LMAN2L: variants seen among roughly 807,000 people sequenced by gnomAD.
LMAN2L encodes the protein VIP36-like protein.
In LMAN2L, 30 loss-of-function variants were observed where a neutral mutation model predicts 44.3. The observed-to-expected ratio is 0.68, with a 90% CI of 0.51 to 0.92. The LOEUF (loss-of-function observed/expected upper bound fraction) is 0.92, where lower values mean the gene tolerates loss of function less well. LMAN2L is among the 40% of genes least tolerant of loss of function. The probability of loss-of-function intolerance (pLI) is 0.00; values close to 1 mark genes in which losing one functional copy is unlikely to be tolerated. For synonymous variants in LMAN2L, 183 were observed against 171.1 expected (o/e 1.07, Z -0.54); for missense variants, 429 against 446.1 (o/e 0.96, Z 0.35).
chr2:96,707,644 G>A, intron 7 of LMAN2L, 70 bp downstream of exon 7: 1 of 1,570,196 alleles, frequency 6.4e-7, no homozygotes, highest in East Asian at 2.2e-5. Flanking sequence ...ACCGCCCTGT[G>A]AGCTATGGGT....
At chr2:96,712,206 G>A (rs1429373364) in intron 4 of LMAN2L, among the ~76,000 whole-genome samples, 181 bp from the exon 5 acceptor site, 1 of 152,182 alleles carries the variant, frequency 6.6e-6, no homozygotes, top group Non-Finnish European at 1.5e-5. Flanking sequence ...AGGGAAATGG[G>A]CCCAGGAAGC....
chr2:96,733,848 A>T lies in LMAN2L; in HGVS notation c.425-247T>A, dbSNP rs139910561. 6.5e-4 allele frequency among the ~76,000 whole-genome samples: 99 copies of T among 152,220 alleles called. No individual in the cohort carries two copies. In the East Asian group the frequency reaches 9.7e-3, roughly 15 times the overall value. On this transcript the variant is annotated intron_variant, in intron 3 of 7. Coordinates refer to ENST00000264963, the MANE Select transcript of LMAN2L (RefSeq NM_030805.4). ...GAAGGCCACTGCAACCTTATTTAGCACTCAGGCAGCTTCCTGATCCAAACT... is the reference window on the plus strand; with the variant it reads ...GAAGGCCACTGCAACCTTATTTAGCTCTCAGGCAGCTTCCTGATCCAAACT...
chr2:96,707,903 T>C lies in LMAN2L; in HGVS notation c.785-70A>G. On this transcript the variant is annotated intron_variant, in intron 6 of 7. Transcript: ENST00000264963. ...AGGTATGTTTCTTGAAGTCAGTATC[T>C]TAGTTCAAGCCTCTGATCCACAGCT... The C allele has an allele frequency of 2.0e-6, 3 of 1,527,938 alleles. 1 individual carries two copies. The South Asian group carries it at 3.5e-5, about 18-fold the overall frequency. The allele number at this position is 1,527,938 out of a possible 1,614,324, so 94.6% of individuals were successfully genotyped here.
At position 96,718,121 on chromosome 2, in the gene LMAN2L, A is replaced by G. The variant is rs571019556; in HGVS notation, c.508-6096T>C. ...CAGGCACCTGCCACCAAGCCCGGCT[A>G]ATTTTTGTATTTTTAGTACAGACAG... On this transcript the variant is annotated intron_variant, in intron 4 of 7. Transcript: ENST00000264963. 9.2e-5 allele frequency among the ~76,000 whole-genome samples: 14 copies of G among 152,086 alleles called. No individual in the cohort carries two copies. In the East Asian group the frequency reaches 1.9e-3, roughly 21 times the overall value.
At chr2:96,734,806 G>A (rs1464571173) in intron 2 of LMAN2L, 5 of 405,360 alleles carry the variant, frequency 1.2e-5, no homozygotes, top group African/African-American at 2.0e-5. Context: ...GAAAAGACAA[G>A]AGTGTACCAA....
At position 96,712,041 on chromosome 2, in the gene LMAN2L, G is replaced by A; in HGVS notation, c.508-16C>T. The A allele has an allele frequency of 6.2e-7, 1 of 1,613,776 alleles. No individual in the cohort carries two copies. Among genetic ancestry groups the A allele is most frequent in the Non-Finnish European group, 8.5e-7 (1 of 1,179,750 alleles). ...GGAATACCCGCTGGAAAGCAGAGAG[G>A]GGGAAGCAGACACTAAGGAAGAGCA... is the stretch of plus-strand genomic sequence containing the variant. On this transcript the variant is annotated splice_polypyrimidine_tract_variant and intron_variant, in intron 4 of 7. Transcript: ENST00000264963.
At chr2:96,715,874 A>T (rs1198097442) in intron 4 of LMAN2L, among the ~76,000 whole-genome samples, 2 of 152,218 alleles carry the variant, frequency 1.3e-5, no homozygotes, top group Non-Finnish European at 2.9e-5. Flanking sequence ...TCGGTGGATT[A>T]CATCACCTCT....
Position 96,711,666 on chromosome 2 carries a change from C to A in LMAN2L, c.774G>T (p.Gly258=). 1.2e-6 allele frequency: 2 copies of A among 1,612,304 alleles called. No homozygotes were observed. The highest frequency in any genetic ancestry group is 2.7e-5 in the African/African-American group (2 of 74,974). Residue 258 remains glycine (G), a synonymous_variant, in exon 6 of 8, where the codon GGG becomes GGT. Coordinates refer to ENST00000264963, the MANE Select transcript of LMAN2L (RefSeq NM_030805.4). ...GYYFGTSSIT[G]DLSDNHDVIS... ...TGCGCGTGGCAGTACCTGAGAGATC[C>A]CCAGTGATGGAGGAGGTGCCGAAGT...
intron 4 of LMAN2L, among the ~76,000 whole-genome samples, chr2:96,727,080 T>C (rs2078287295): frequency 6.6e-6 from 1 of 151,850 alleles, no homozygotes; most frequent in African/African-American, 2.4e-5. Context: ...CGAGACTCTA[T>C]CTCAAAAAAA....
At chr2:96,737,240 C>A in intron 2 of LMAN2L, 1 of 424,930 alleles carries the variant, frequency 2.4e-6, no homozygotes, top group Non-Finnish European at 4.6e-6. Flanking sequence ...CAGAGAAGGA[C>A]AAATAAAATG....
At chr2:96,709,270 G>T (rs997538549) in intron 6 of LMAN2L, among the ~76,000 whole-genome samples, 1 of 152,110 alleles carries the variant, frequency 6.6e-6, no homozygotes, top group Admixed American at 6.6e-5. Context: ...TGTCAAGTAG[G>T]AGCCTATTCA....
At chr2:96,710,526 C>T (rs778256092) in intron 6 of LMAN2L, among the ~76,000 whole-genome samples, 4 of 151,950 alleles carry the variant, frequency 2.6e-5, no homozygotes, top group African/African-American at 4.8e-5. Flanking sequence ...ATTAGCTGGG[C>T]GTGGTGGCGC....
intron 2 of LMAN2L, 34 bp downstream of exon 2, chr2:96,737,914 TG>T: frequency 7.1e-7 from 1 of 1,417,584 alleles, no homozygotes; most frequent in East Asian, 2.3e-5. Context: ...TAGGCCTTTC[TG>T]GGTCACCAAC....
intron 2 of LMAN2L, among the ~76,000 whole-genome samples, chr2:96,736,273 C>G (rs1002472623): frequency 6.6e-6 from 1 of 152,168 alleles, no homozygotes; most frequent in Non-Finnish European, 1.5e-5. Context: ...CAAGCTGCAC[C>G]CTATTCCAAT....
chr2:96,722,462 T>A (rs774371345), intron 4 of LMAN2L, among the ~76,000 whole-genome samples: 28 of 152,028 alleles, frequency 1.8e-4, no homozygotes, highest in Non-Finnish European at 2.9e-4. Context: ...ATCCCTCGCA[T>A]GCTCAGTTCA....
intron 4 of LMAN2L, among the ~76,000 whole-genome samples, chr2:96,730,421 G>A (rs531712150): frequency 1.3e-5 from 2 of 152,190 alleles, no homozygotes; most frequent in East Asian, 3.9e-4. Context: ...AGTGGTATAT[G>A]GTGAGCATGA....
chr2:96,729,651 G>A (rs2078351366), intron 4 of LMAN2L, among the ~76,000 whole-genome samples: 1 of 151,790 alleles, frequency 6.6e-6, no homozygotes. Context: ...TGGGACTACA[G>A]GCGCCCGCCA....
Position 96,711,983 on chromosome 2 carries a change from G to C in LMAN2L, c.550C>G (p.Leu184Val). The C allele has an allele frequency of 6.2e-7, 1 of 1,614,226 alleles. No homozygotes were observed. The highest frequency in any genetic ancestry group is 8.5e-7 in the Non-Finnish European group (1 of 1,180,042). ...YISAMVNNGS[L>V]SYDHERDGRP... Reference sequence around the variant, plus strand: ...CCATCCCGCTCATGATCATAGCTGAGGGAGCCGTTGTTCACCATGGCTGAG... The same window carrying C: ...CCATCCCGCTCATGATCATAGCTGACGGAGCCGTTGTTCACCATGGCTGAG... Residue 184 changes from leucine to valine, a missense_variant, in exon 5 of 8, where the codon CTC becomes GTC. Leu to Val is a conservative substitution (Grantham distance 32). Transcript: ENST00000264963.
intron 3 of LMAN2L, among the ~76,000 whole-genome samples, chr2:96,734,018 GC>G (rs2078460549): frequency 6.6e-6 from 1 of 152,214 alleles, no homozygotes; most frequent in Non-Finnish European, 1.5e-5. Context: ...TCTACATGGA[GC>G]AATAATAGCT....
Sources: allele counts gnomAD v4.1 joint callset (sites outside exome capture counted in the v4.1 genomes callset), GRCh38; gene constraint gnomAD v4.1.1; transcripts MANE v1.5; gene names NCBI Gene and HGNC (gene_info 2026-07-23, HGNC 2026-07-21).